SYNRG: variants seen among roughly 807,000 people sequenced by gnomAD.
SYNRG encodes the protein synergin gamma, also known as AP1 gamma subunit binding protein 1.
Under a neutral mutation model 130.9 loss-of-function variants are expected in SYNRG, and 37 were observed. The observed-to-expected ratio is 0.28, with a 90% CI of 0.22 to 0.37. The LOEUF (loss-of-function observed/expected upper bound fraction) is 0.37, where lower values mean the gene tolerates loss of function less well. Among genes scored for constraint, SYNRG ranks in the 10% least tolerant of loss-of-function variants. SYNRG has a pLI of 1.00. For synonymous variants in SYNRG, 539 were observed against 568.1 expected (o/e 0.95, Z 0.73); for missense variants, 1,338 against 1,588.9 (o/e 0.84, Z 2.68).
chr17:37,578,350 C>T (rs1377419378), intron 6 of SYNRG, among the ~76,000 whole-genome samples: 1 of 151,130 alleles, frequency 6.6e-6, no homozygotes, highest in African/African-American at 2.4e-5. Flanking sequence ...AAAAAGTAAA[C>T]GTTGAAATAA....
At chr17:37,582,615 C>T (rs1440901956) in intron 6 of SYNRG, among the ~76,000 whole-genome samples, 2 of 152,128 alleles carry the variant, frequency 1.3e-5, no homozygotes, top group African/African-American at 4.8e-5. Flanking sequence ...AATCCTAGCA[C>T]TTTGGAAGGC....
Position 37,542,449 on chromosome 17 carries a change from A to G in SYNRG, c.2725T>C (p.Ser909Pro). 6.2e-7 allele frequency: 1 copy of G among 1,614,096 alleles called. No homozygotes were observed. The highest frequency in any genetic ancestry group is 8.5e-7 in the Non-Finnish European group (1 of 1,180,022). Residue 909 changes from serine to proline, a missense_variant, in exon 15 of 22, where the codon TCT (serine) becomes CCT (proline). Coordinates refer to ENST00000612223, the MANE Select transcript of SYNRG (RefSeq NM_007247.6). ...CTTCCTGCTGAGAGGACAAATGGAG[A>G]GAGTTTTCTGCCCTGAGTTGCATCA... Reference protein sequence around the residue: ...RDDATQGRKLSPFVLSAGSGS... With the variant: ...RDDATQGRKLPPFVLSAGSGS...
Position 37,570,678 on chromosome 17 carries a change from G to C in SYNRG, c.1306C>G (p.Gln436Glu), listed in dbSNP as rs931798159. 6.2e-7 allele frequency: 1 copy of C among 1,614,160 alleles called. No homozygotes were observed. Among genetic ancestry groups the C allele is most frequent in the Non-Finnish European group, 8.5e-7 (1 of 1,180,016 alleles). ...GTTGGTATGAAACCACTAGAAGCCTGGGCTGCAGCTCCACCCACTGGTCCA... is the reference window on the plus strand; with the variant it reads ...GTTGGTATGAAACCACTAGAAGCCTCGGCTGCAGCTCCACCCACTGGTCCA... ...LVGPVGGAAA[Q>E]ASSGFIPTYP... The change falls in exon 10 of 22, where the codon CAG becomes GAG. Residue 436 changes from glutamine (Q) to glutamate (E), a missense_variant. Physicochemically the swap from Gln to Glu is conservative, Grantham distance 29. This residue lies in a region of SYNRG where 1,146 missense variants were observed against 1,342.3 expected (regional missense o/e 0.85). Transcript: ENST00000612223.
intron 1 of SYNRG, chr17:37,600,787 C>T (rs2063202012): frequency 3.3e-6 from 1 of 298,738 alleles, no homozygotes; most frequent in African/African-American, 2.2e-5. Context: ...AGGCAAATAA[C>T]TATACCACAG....
chr17:37,519,222 AT>A (rs2054679418), intron 21 of SYNRG, 151 bp from the exon 22 acceptor site: 2 of 1,060,130 alleles, frequency 1.9e-6, no homozygotes. Context: ...AGCTACAGGA[AT>A]TCAAGAGAGA....
chr17:37,577,577 T>C lies in SYNRG; in HGVS notation c.626A>G (p.Asp209Gly). 1 of 1,613,968 alleles carries C rather than the reference T, an allele frequency of 6.2e-7. No individual in the cohort carries two copies. Among genetic ancestry groups the C allele is most frequent in the Non-Finnish European group, 8.5e-7 (1 of 1,180,014 alleles). Residue 209 changes from aspartate to glycine, a missense_variant, in exon 7 of 22, where the codon GAT (aspartate) becomes GGT (glycine). Physicochemically the swap from Asp to Gly is moderately conservative, Grantham distance 94 (BLOSUM62 -1). Around this residue, in one of 3 missense-constraint regions of SYNRG, gnomAD observed 1,146 missense variants for 1,342.3 expected, o/e 0.85. Transcript: ENST00000612223. Reference protein sequence around the residue: ...SLEEKFLVSCDISTSGQEQIK... With the variant: ...SLEEKFLVSCGISTSGQEQIK... ...TTGTTCCTGCCCAGATGTACTTATA[T>C]CACAAGATACTAGGAACTTCTCCTC...
chr17:37,529,241 T>C (rs1042322557), intron 19 of SYNRG, among the ~76,000 whole-genome samples: 4 of 152,194 alleles, frequency 2.6e-5, no homozygotes, highest in Non-Finnish European at 5.9e-5. Flanking sequence ...AGGGCAACGC[T>C]CCAGGTTAGA....
chr17:37,572,744 G>A (rs930893992), intron 8 of SYNRG, among the ~76,000 whole-genome samples: 26 of 152,298 alleles, frequency 1.7e-4, no homozygotes, highest in Admixed American at 1.4e-3. Context: ...AGCCTTTAAG[G>A]AAAGACCCAG....
At chr17:37,588,185 C>T (rs1259357806) in intron 3 of SYNRG, among the ~76,000 whole-genome samples, 1 of 151,794 alleles carries the variant, frequency 6.6e-6, no homozygotes, top group Non-Finnish European at 1.5e-5. Flanking sequence ...ATCAACTAAT[C>T]GACTTCTCTA....
At chr17:37,565,573 G>A (rs919640121) in intron 11 of SYNRG, among the ~76,000 whole-genome samples, 6 of 151,348 alleles carry the variant, frequency 4.0e-5, no homozygotes, top group African/African-American at 7.3e-5. Flanking sequence ...GTCTCCGCCC[G>A]GCCGCCATCC....
chr17:37,586,592 T>G lies in SYNRG; in HGVS notation c.241-43A>C, dbSNP rs1431248902. On this transcript the variant is annotated intron_variant, in intron 3 of 21. Transcript: ENST00000612223. ...AGGCTTAAAAAACACAATTTATCCCTTTAATTATCACACACAAAAATGTGA... is the reference window on the plus strand; with the variant it reads ...AGGCTTAAAAAACACAATTTATCCCGTTAATTATCACACACAAAAATGTGA... The G allele has an allele frequency of 4.4e-6, 7 of 1,604,234 alleles. No individual in the cohort carries two copies. The African/African-American group carries it at 9.4e-5, about 21-fold the overall frequency.
Position 37,576,406 on chromosome 17 carries a change from A to G in SYNRG, c.836T>C (p.Phe279Ser). Residue 279 changes from phenylalanine to serine, a missense_variant, in exon 8 of 22, where the codon TTT (phenylalanine) becomes TCT (serine). Phe to Ser is a radical substitution (Grantham distance 155). Transcript: ENST00000612223. ...LSIEESGVGV[F>S]PSQDPAQPRM... ...GGGCTGAGCAGGATCCTGTGAGGGA[A>G]ATACTCCCACACCTAGAAGGTAAGA... 1 of 1,613,740 alleles carries G rather than the reference A, an allele frequency of 6.2e-7. No individual in the cohort carries two copies. The highest frequency in any genetic ancestry group is 1.1e-5 in the South Asian group (1 of 91,068).
chr17:37,567,390 G>A (rs1379733177), intron 11 of SYNRG: 1 of 152,218 alleles, frequency 6.6e-6, no homozygotes, highest in East Asian at 1.9e-4. Context: ...CTTTGAGTAG[G>A]AAAACACTAA....
chr17:37,580,510 T>TGTGTGTGTGTGAGAGA (rs1384344164), intron 6 of SYNRG, among the ~76,000 whole-genome samples: 9 of 127,718 alleles, frequency 7.0e-5, no homozygotes, highest in African/African-American at 2.9e-4. Flanking sequence ...TGTGTGTGTG[T>TGTGTGTGTGTGAGAGA]GAGAGAGAGA....
Position 37,563,742 on chromosome 17 carries a change from G to T in SYNRG, c.1482-2153C>A, listed in dbSNP as rs528066541. Among the ~76,000 whole-genome samples, 4 of 152,082 alleles carry T rather than the reference G, an allele frequency of 2.6e-5. No individual in the cohort carries two copies. The East Asian group carries it at 7.7e-4, about 29-fold the overall frequency. ...TGTAGAGATGGCATTTCCATAGGTT[G>T]TCCAGGATCAAGTGAAATCCTGGGC... On this transcript the variant is annotated intron_variant, in intron 11 of 21. Coordinates refer to ENST00000612223, the MANE Select transcript of SYNRG (RefSeq NM_007247.6).
chr17:37,592,336 T>C (rs1598588233), intron 3 of SYNRG, among the ~76,000 whole-genome samples: 1 of 152,176 alleles, frequency 6.6e-6, no homozygotes, highest in African/African-American at 2.4e-5. Context: ...CTCTGATACA[T>C]TGCCGGTGGG....
intron 3 of SYNRG, among the ~76,000 whole-genome samples, chr17:37,587,687 C>T (rs993679384): frequency 3.9e-5 from 6 of 152,226 alleles, no homozygotes; most frequent in African/African-American, 1.4e-4. Context: ...CATTCTACCC[C>T]CAAACTGCTC....
chr17:37,559,945 TG>T (rs1254999754), intron 13 of SYNRG, among the ~76,000 whole-genome samples: 4 of 152,356 alleles, frequency 2.6e-5, no homozygotes, highest in East Asian at 3.9e-4. Context: ...GTGACCAGGC[TG>T]GGGTACAGTG....
At chr17:37,597,548 C>T (rs2062885760) in intron 2 of SYNRG, among the ~76,000 whole-genome samples, 1 of 152,182 alleles carries the variant, frequency 6.6e-6, no homozygotes, top group Non-Finnish European at 1.5e-5. Flanking sequence ...TTAATACTTA[C>T]TATGCTCAAA....
Sources: allele counts gnomAD v4.1 joint callset (sites outside exome capture counted in the v4.1 genomes callset), GRCh38; gene constraint gnomAD v4.1.1; regional missense constraint gnomAD v4.1.1; transcripts MANE v1.5; gene names NCBI Gene and HGNC (gene_info 2026-07-23, HGNC 2026-07-21).